The following LHFPL3 variants were observed in gnomAD, a reference collection of about 807,000 sequenced individuals.
LHFPL3 encodes LHFPL tetraspan subfamily member 3 protein.
In LHFPL3, 5 loss-of-function variants were observed where a neutral mutation model predicts 19.3. The ratio of observed to expected loss-of-function variants is 0.26; its 90% confidence interval spans 0.14 to 0.54. The LOEUF (loss-of-function observed/expected upper bound fraction) is 0.54, where lower values mean the gene tolerates loss of function less well. Among genes scored for constraint, LHFPL3 ranks in the 20% least tolerant of loss-of-function variants. LHFPL3 has a pLI of 0.94. For synonymous variants in LHFPL3, 133 were observed against 126.2 expected, an observed-to-expected ratio of 1.05 and a Z score of -0.36; for missense variants, 249 against 307.4, an observed-to-expected ratio of 0.81 and a Z score of 1.42.
intron 1 of LHFPL3, among the ~76,000 whole-genome samples, chr7:104,699,043 A>C (rs1793053204): frequency 2.6e-5 from 4 of 152,228 alleles, no homozygotes; most frequent in Non-Finnish European, 5.9e-5. Context: ...AAAAATAACA[A>C]GTGTTGGCAA....
Position 104,595,423 on chromosome 7 carries a change from C to A in LHFPL3, c.446-141252C>A, listed in dbSNP as rs140232477. ...CAGCAAATATTGCTGCCTGATCCTT[C>A]CTCTGGAAGCTTTGTCCCAGAGAGG... On this transcript the variant is annotated intron_variant, in intron 1 of 2. Transcript: ENST00000424859. 4.0e-3 allele frequency among the ~76,000 whole-genome samples: 613 copies of A among 152,304 alleles called. 36 individuals are homozygous for A. In the East Asian group the frequency reaches 0.099, roughly 25 times the overall value.
At chr7:104,471,532 A>G (rs897990646) in intron 1 of LHFPL3, among the ~76,000 whole-genome samples, 2 of 152,242 alleles carry the variant, frequency 1.3e-5, no homozygotes, top group Admixed American at 1.3e-4. Flanking sequence ...TAGTTCATAC[A>G]TGGCAAATAC....
At chr7:104,397,489 T>C (rs972103031) in intron 1 of LHFPL3, among the ~76,000 whole-genome samples, 2 of 152,196 alleles carry the variant, frequency 1.3e-5, no homozygotes, top group Non-Finnish European at 2.9e-5. Flanking sequence ...TTCATCGTTG[T>C]GGAGACAGAA....
intron 1 of LHFPL3, among the ~76,000 whole-genome samples, chr7:104,597,335 C>A (rs1385198560): frequency 2.6e-5 from 4 of 152,116 alleles, no homozygotes; most frequent in Non-Finnish European, 4.4e-5. Flanking sequence ...AATAAACTTT[C>A]CATTTTCACT....
At chr7:104,805,673 C>T (rs922772178) in intron 2 of LHFPL3, among the ~76,000 whole-genome samples, 2 of 152,234 alleles carry the variant, frequency 1.3e-5, no homozygotes, top group Non-Finnish European at 2.9e-5. Flanking sequence ...CACCAAAGCA[C>T]AAAGCCTTTC....
At chr7:104,442,733 C>T (rs1261654226) in intron 1 of LHFPL3, among the ~76,000 whole-genome samples, 1 of 152,170 alleles carries the variant, frequency 6.6e-6, no homozygotes, top group Non-Finnish European at 1.5e-5. Flanking sequence ...CTCTTTCTGG[C>T]AACATATTGT....
intron 1 of LHFPL3, among the ~76,000 whole-genome samples, chr7:104,565,045 G>A (rs76562589): frequency 5.3e-5 from 8 of 152,146 alleles, no homozygotes; most frequent in Non-Finnish European, 1.2e-4. Context: ...AAATAACTTT[G>A]TGTGGCCTGC....
At chr7:104,867,322 G>T (rs1428342091) in intron 2 of LHFPL3, among the ~76,000 whole-genome samples, 1 of 152,094 alleles carries the variant, frequency 6.6e-6, no homozygotes, top group Admixed American at 6.6e-5. Flanking sequence ...AAAATTGACA[G>T]ACCGCTGGCA....
intron 1 of LHFPL3, among the ~76,000 whole-genome samples, chr7:104,496,902 A>C (rs926111443): frequency 3.9e-5 from 6 of 152,176 alleles, no homozygotes; most frequent in Admixed American, 3.3e-4. Context: ...TTTTAGTCTA[A>C]GCTCTTAAAC....
At chr7:104,837,340 C>CTTCT (rs1791116008) in intron 2 of LHFPL3, among the ~76,000 whole-genome samples, 1 of 152,248 alleles carries the variant, frequency 6.6e-6, no homozygotes, top group Non-Finnish European at 1.5e-5. Context: ...ACACCTTTGA[C>CTTCT]TTCTTTAGCA....
At chr7:104,629,335 G>A (rs908423448) in intron 1 of LHFPL3, among the ~76,000 whole-genome samples, 8 of 152,120 alleles carry the variant, frequency 5.3e-5, no homozygotes, top group Admixed American at 5.2e-4. Context: ...CTTCTGGAAA[G>A]TTGGCTACTA....
intron 1 of LHFPL3, among the ~76,000 whole-genome samples, chr7:104,723,235 A>G (rs747961950): frequency 4.6e-4 from 70 of 152,230 alleles, no homozygotes; most frequent in Admixed American, 3.2e-3. Flanking sequence ...TAGCCTCTAC[A>G]CAGAGATTCC....
chr7:104,871,080 T>C (rs1451066728), intron 2 of LHFPL3, among the ~76,000 whole-genome samples: 2 of 152,230 alleles, frequency 1.3e-5, no homozygotes, highest in East Asian at 3.8e-4. Context: ...CAGTTATGTG[T>C]CACTTAACAG....
intron 1 of LHFPL3, among the ~76,000 whole-genome samples, chr7:104,595,720 G>A (rs1009258748): frequency 6.6e-6 from 1 of 152,248 alleles, no homozygotes; most frequent in African/African-American, 2.4e-5. Flanking sequence ...GCTCCGCCCA[G>A]TTCGAGCTTC....
rs1481158434 is a variant in LHFPL3, at chr7:104,399,616, C to T, written c.445+70392C>T. Among the ~76,000 whole-genome samples the T allele has an allele frequency of 6.6e-6, 1 of 151,112 alleles. No homozygotes were observed. The highest frequency in any genetic ancestry group is 1.5e-5 in the Non-Finnish European group (1 of 67,846). ...AGCTGAGATTACAAGCACCTGCCAC[C>T]ACACCGGGCTAAGTTTTGCATTTTT... is the stretch of plus-strand genomic sequence containing the variant. On this transcript the variant is annotated intron_variant, in intron 1 of 2. Coordinates refer to ENST00000424859, the MANE Select transcript of LHFPL3 (RefSeq NM_199000.3). The surrounding 1 kb of genome is among the most constrained non-coding windows in gnomAD (Gnocchi z 4.4).
At chr7:104,417,947 A>G (rs1584305873) in intron 1 of LHFPL3, among the ~76,000 whole-genome samples, 2 of 143,796 alleles carry the variant, frequency 1.4e-5, no homozygotes, top group East Asian at 4.1e-4. Flanking sequence ...TAATGGTGCA[A>G]TCTTGGCTCA....
intron 1 of LHFPL3, among the ~76,000 whole-genome samples, chr7:104,634,312 G>A (rs1383142952): frequency 6.6e-6 from 1 of 152,148 alleles, no homozygotes; most frequent in African/African-American, 2.4e-5. Context: ...TTTTGTTCCT[G>A]GTGAGGGTTC....
At chr7:104,508,160 G>T (rs929276370) in intron 1 of LHFPL3, among the ~76,000 whole-genome samples, 4 of 152,056 alleles carry the variant, frequency 2.6e-5, no homozygotes, top group Non-Finnish European at 4.4e-5. Flanking sequence ...ACGTGCACAC[G>T]TATGTTTATT....
chr7:104,340,645 A>G (rs558121883), intron 1 of LHFPL3, among the ~76,000 whole-genome samples: 1 of 152,310 alleles, frequency 6.6e-6, no homozygotes, highest in Non-Finnish European at 1.5e-5. Flanking sequence ...TGTATGCTGG[A>G]TCTACTTTGT....
Sources: allele counts gnomAD v4.1 joint callset (sites outside exome capture counted in the v4.1 genomes callset), GRCh38; gene constraint gnomAD v4.1.1; non-coding constraint Gnocchi (gnomAD v3.1); transcripts MANE v1.5; gene names NCBI Gene and HGNC (gene_info 2026-07-23, HGNC 2026-07-21).